LPP: variants seen among roughly 807,000 people sequenced by gnomAD.
The protein encoded by LPP is lipoma-preferred partner.
LPP carries 38 observed loss-of-function variants against 60.4 expected under a neutral mutation model. The observed-to-expected ratio is 0.63, with a 90% CI of 0.49 to 0.83. The LOEUF (loss-of-function observed/expected upper bound fraction) is 0.83, where lower values mean the gene tolerates loss of function less well. Among genes scored for constraint, LPP ranks in the 40% least tolerant of loss-of-function variants. The pLI, the probability that LPP is intolerant of heterozygous loss-of-function variation, is 0.00. For missense variants in LPP, 902 were observed against 783.6 expected, an observed-to-expected ratio of 1.15 and a Z score of -1.80; for synonymous variants, 328 against 290.8, an observed-to-expected ratio of 1.13 and a Z score of -1.30.
intron 9 of LPP, among the ~76,000 whole-genome samples, chr3:188,796,686 G>C (rs758443872): frequency 1.3e-5 from 2 of 152,120 alleles, no homozygotes; most frequent in Non-Finnish European, 2.9e-5. Context: ...CCAAATAGGA[G>C]CCCAGTCTGC....
At chr3:188,623,020 T>C (rs1296311829) in intron 7 of LPP, among the ~76,000 whole-genome samples, 2 of 93,710 alleles carry the variant, frequency 2.1e-5, no homozygotes, top group South Asian at 3.6e-4. Context: ...AGAGAGAGAC[T>C]CCATCTTAAA....
At chr3:188,482,754 A>G (rs761602014) in intron 4 of LPP, among the ~76,000 whole-genome samples, 2 of 152,242 alleles carry the variant, frequency 1.3e-5, no homozygotes, top group African/African-American at 4.8e-5. Flanking sequence ...AATTATTTCC[A>G]CAGATTTGTG....
At chr3:188,442,761 C>A (rs528576629) in intron 4 of LPP, among the ~76,000 whole-genome samples, 1 of 152,304 alleles carries the variant, frequency 6.6e-6, no homozygotes, top group South Asian at 2.1e-4. Flanking sequence ...TCTGTTTATA[C>A]ATTTTCAACG....
At chr3:188,507,359 C>T (rs1813834978) in intron 5 of LPP, among the ~76,000 whole-genome samples, 2 of 152,038 alleles carry the variant, frequency 1.3e-5, no homozygotes, top group African/African-American at 4.8e-5. Context: ...GCAAATCAAG[C>T]TTTTCTATTT....
intron 2 of LPP, among the ~76,000 whole-genome samples, chr3:188,327,485 A>T (rs1758766425): frequency 6.6e-6 from 1 of 152,194 alleles, no homozygotes. Flanking sequence ...ATTTTACGTT[A>T]AAGAAACAGG....
At chr3:188,824,440 G>C (rs1263534957) in intron 9 of LPP, among the ~76,000 whole-genome samples, 4 of 152,172 alleles carry the variant, frequency 2.6e-5, no homozygotes, top group Non-Finnish European at 5.9e-5. Flanking sequence ...ACCATTTATG[G>C]CTAGTGGCTA....
chr3:188,611,840 A>T (rs140552312), intron 7 of LPP, among the ~76,000 whole-genome samples: 76 of 152,316 alleles, frequency 5.0e-4, no homozygotes, highest in African/African-American at 1.8e-3. Context: ...CAGCATTTGG[A>T]ACCCATCCAT....
At chr3:188,218,672 A>G (rs1219295760) in intron 1 of LPP, among the ~76,000 whole-genome samples, 1 of 152,172 alleles carries the variant, frequency 6.6e-6, no homozygotes, top group Non-Finnish European at 1.5e-5. Flanking sequence ...TTGAGTTCTT[A>G]CTGTATGCCA....
rs370248118 is a variant in LPP, at chr3:188,516,077, A to G, written c.307-8588A>G. On this transcript the variant is annotated intron_variant, in intron 5 of 11. Transcript: ENST00000617246. Reference sequence around the variant, plus strand: ...GAGTTACCCTATGAACATTGGTGTCATGGAAAATTAGACAAAGAGGAGTCA... The same window carrying G: ...GAGTTACCCTATGAACATTGGTGTCGTGGAAAATTAGACAAAGAGGAGTCA... Among the ~76,000 whole-genome samples, 115 of 152,302 alleles carry G rather than the reference A, an allele frequency of 7.6e-4. 4 individuals carry two copies. In the South Asian group the frequency reaches 0.022, roughly 30 times the overall value.
intron 8 of LPP, among the ~76,000 whole-genome samples, chr3:188,749,452 C>A (rs1380954051): frequency 1.3e-5 from 2 of 152,202 alleles, no homozygotes; most frequent in East Asian, 1.9e-4. Context: ...ATCCTCTTAA[C>A]AATGTATTAT....
At chr3:188,740,279 A>G (rs1425500379) in intron 8 of LPP, among the ~76,000 whole-genome samples, 1 of 152,120 alleles carries the variant, frequency 6.6e-6, no homozygotes, top group African/African-American at 2.4e-5. Flanking sequence ...AACAGTGCCA[A>G]TGAGTAAATG....
rs1186100926 is a variant in LPP, at chr3:188,413,098, C to T, written c.193+6785C>T. ...CCATTAGTGATGTGAAGCCATGTAT[C>T]CTGGGTAGGCAGGACACATTTGTTT... On this transcript the variant is annotated intron_variant, in intron 4 of 11. Coordinates refer to ENST00000617246, the MANE Select transcript of LPP (RefSeq NM_001375462.1). Among the ~76,000 whole-genome samples, 4 of 152,092 alleles carry T rather than the reference C, an allele frequency of 2.6e-5. No individual in the cohort carries two copies. The East Asian group carries it at 5.8e-4, about 22-fold the overall frequency.
intron 1 of LPP, among the ~76,000 whole-genome samples, chr3:188,215,907 A>G (rs959849725): frequency 1.3e-5 from 2 of 152,224 alleles, no homozygotes; most frequent in African/African-American, 4.8e-5. Flanking sequence ...TGGCATTTCA[A>G]TAAAGCAAGT....
At chr3:188,557,501 T>C (rs1354506930) in intron 6 of LPP, among the ~76,000 whole-genome samples, 1 of 152,150 alleles carries the variant, frequency 6.6e-6, no homozygotes, top group Non-Finnish European at 1.5e-5. Flanking sequence ...AGCTGATTCT[T>C]GCCTTGCTCA....
chr3:188,368,337 C>A (rs1401459786), intron 3 of LPP, among the ~76,000 whole-genome samples: 3 of 151,546 alleles, frequency 2.0e-5, no homozygotes, highest in Non-Finnish European at 4.4e-5. Flanking sequence ...GTGGAAGAAA[C>A]AACACCCTTT....
intron 2 of LPP, among the ~76,000 whole-genome samples, chr3:188,318,579 C>T (rs1361902334): frequency 1.3e-5 from 2 of 152,058 alleles, no homozygotes; most frequent in South Asian, 2.1e-4. Flanking sequence ...GCCTGTCTAC[C>T]TTCCTTCCAT....
intron 9 of LPP, among the ~76,000 whole-genome samples, chr3:188,770,166 TTC>T (rs1390099723): frequency 0.02 from 2,614 of 132,458 alleles, 49 homozygotes; most frequent in South Asian, 0.043. Flanking sequence ...ATAGTTATAA[TTC>T]TTTTTTTTTT....
At chr3:188,487,972 G>A (rs563209263) in intron 5 of LPP, among the ~76,000 whole-genome samples, 10 of 151,978 alleles carry the variant, frequency 6.6e-5, no homozygotes, top group East Asian at 5.8e-4. Context: ...CAACTCTGGC[G>A]CCAGGCATCT....
chr3:188,545,691 A>G (rs1311641735), intron 6 of LPP, among the ~76,000 whole-genome samples: 1 of 152,116 alleles, frequency 6.6e-6, no homozygotes, highest in African/African-American at 2.4e-5. Context: ...GTTCCTCTAC[A>G]GGCTCCTAGG....
Sources: gnomAD v4.1 joint callset for allele counts (sites outside exome capture counted in the v4.1 genomes callset) on GRCh38, gnomAD v4.1.1 for gene constraint, MANE v1.5 for transcripts, NCBI Gene and HGNC (gene_info 2026-07-23, HGNC 2026-07-21) for gene names.